The following CIT variants were observed in gnomAD, a reference collection of about 807,000 sequenced individuals.
CIT encodes the protein citron Rho-interacting kinase.
A neutral mutation model predicts 272.7 loss-of-function variants in CIT; 79 were observed. The ratio of observed to expected loss-of-function variants is 0.29; its 90% CI spans 0.24 to 0.35. The LOEUF is 0.35. CIT is among the 10% of genes least tolerant of loss of function. The pLI is 1.00. For missense variants in CIT, 1,909 were observed against 2,618.3 expected, an observed-to-expected ratio of 0.73 and a Z score of 5.91; for synonymous variants, 948 against 995.6, an observed-to-expected ratio of 0.95 and a Z score of 0.90.
Position 119,717,834 on chromosome 12 carries a change from C to CTTTTTTTTTT in CIT, c.4168+410_4168+411insAAAAAAAAAA, listed in dbSNP as rs546520444. Among the ~76,000 whole-genome samples the CTTTTTTTTTT allele has an allele frequency of 2.3e-4, 16 of 70,230 alleles. 1 individual carries two copies. The highest frequency in any genetic ancestry group is 7.0e-4 in the African/African-American group (14 of 20,096). 46.1% of individuals were successfully genotyped at this position (70,230 alleles called of 152,430 possible). A position where few individuals can be genotyped will look rare whatever the true frequency, so the allele number is the denominator to read the frequency against. The stretch of plus-strand genomic sequence containing the variant: ...GGATGGGGAGCCAGGAGACTGACTT[C>CTTTTTTTTTT]TTTCTTTTTTTTTTTTTTTTTTTTG... On this transcript the variant is annotated intron_variant, in intron 32 of 47. Coordinates refer to ENST00000392521, the MANE Select transcript of CIT (RefSeq NM_001206999.2).
Position 119,802,389 on chromosome 12 carries a change from C to T in CIT, c.1295+817G>A, listed in dbSNP as rs114952020. On this transcript the variant is annotated intron_variant, in intron 10 of 47. Transcript: ENST00000392521. The stretch of plus-strand genomic sequence containing the variant: ...AATTCCAGGAGGCTCCTGGAAGCCT[C>T]GACCCTCTAATTCCAAGTGCTCTGT... 1.9e-3 allele frequency among the ~76,000 whole-genome samples: 294 copies of T among 152,298 alleles called. 1 individual carries two copies. Among genetic ancestry groups the T allele is most frequent in the African/African-American group, 6.7e-3 (277 of 41,556 alleles).
intron 13 of CIT, 76 bp from the exon 14 acceptor site, chr12:119,776,918 T>A: frequency 2.1e-6 from 3 of 1,462,252 alleles, no homozygotes; most frequent in Non-Finnish European, 2.8e-6. Flanking sequence ...GATGGAAGAG[T>A]ATTAACCACA....
intron 8 of CIT, among the ~76,000 whole-genome samples, chr12:119,823,866 C>T (rs1258085123): frequency 6.6e-6 from 1 of 151,230 alleles, no homozygotes; most frequent in African/African-American, 2.4e-5. Context: ...ATGGTGAAAC[C>T]CCATCTCTAC....
chr12:119,789,166 G>A (rs1254187352), intron 10 of CIT, among the ~76,000 whole-genome samples: 1 of 152,194 alleles, frequency 6.6e-6, no homozygotes, highest in Admixed American at 6.5e-5. Context: ...GTGGCCCCGG[G>A]AAGCAACATT....
intron 14 of CIT, 38 bp from the exon 15 acceptor site, chr12:119,776,446 A>T (rs770669950): frequency 6.3e-7 from 1 of 1,584,692 alleles, no homozygotes; most frequent in Non-Finnish European, 8.7e-7. Flanking sequence ...GGAAATCTCA[A>T]CAACCTAAAA....
chr12:119,689,824 C>A (rs1377299442), intron 47 of CIT, among the ~76,000 whole-genome samples: 11 of 151,680 alleles, frequency 7.3e-5, no homozygotes, highest in Non-Finnish European at 1.6e-4. Context: ...ACTACAGGCA[C>A]CAGCCACCAC....
At position 119,784,190 on chromosome 12, in the gene CIT, A is replaced by G; in HGVS notation, c.1402-139T>C. ...AAAGTTAAGTTGGGATGGAAATACCATTGTTTCTTCGCCCAGGAGCGCACA... is the reference window on the plus strand; with the variant it reads ...AAAGTTAAGTTGGGATGGAAATACCGTTGTTTCTTCGCCCAGGAGCGCACA... On this transcript the variant is annotated intron_variant, in intron 11 of 47. Transcript: ENST00000392521. This position sits in a 1 kb window ranked among gnomAD's most constrained non-coding sequence, Gnocchi z 4.7. 1 of 1,608,374 alleles carries G rather than the reference A, an allele frequency of 6.2e-7. No homozygotes were observed. The highest frequency in any genetic ancestry group is 8.5e-7 in the Non-Finnish European group (1 of 1,176,750).
intron 4 of CIT, among the ~76,000 whole-genome samples, chr12:119,856,719 G>T (rs973246792): frequency 2.0e-5 from 3 of 151,572 alleles, no homozygotes; most frequent in Admixed American, 2.0e-4. Context: ...TCACATCATC[G>T]TTAATTAATT....
rs1387685714 is a variant in CIT, at chr12:119,687,825, AAG to A, written c.*405_*406del. 3.3e-5 allele frequency: 6 copies of A among 181,654 alleles called. No individual in the cohort carries two copies. Among genetic ancestry groups the A allele is most frequent in the African/African-American group, 4.7e-5 (2 of 42,474 alleles). The allele number at this position is 181,654 out of a possible 1,614,324, so 11.3% of individuals were successfully genotyped here. A position where few individuals can be genotyped will look rare whatever the true frequency, so the allele number is the denominator to read the frequency against. On this transcript the variant is annotated 3_prime_UTR_variant, in exon 48 of 48. Transcript: ENST00000392521. ...AAAAAAAAAAAAAAGGAAAGAAACA[AAG>A]AGAAAAAAAAAAGAAAAACCAACCA...
chr12:119,780,803 C>T (rs927796165), intron 13 of CIT, among the ~76,000 whole-genome samples: 1 of 152,178 alleles, frequency 6.6e-6, no homozygotes, highest in Admixed American at 6.5e-5. Context: ...TAAAATAAAT[C>T]CTTGTTCCGA....
chr12:119,693,153 C>T (rs954464168), intron 46 of CIT, among the ~76,000 whole-genome samples: 2 of 152,208 alleles, frequency 1.3e-5, no homozygotes, highest in African/African-American at 4.8e-5. Context: ...GAGGAAGGAA[C>T]ACACCCGTCA....
intron 5 of CIT, among the ~76,000 whole-genome samples, chr12:119,847,997 A>G (rs781620395): frequency 5.9e-5 from 9 of 152,240 alleles, no homozygotes; most frequent in Non-Finnish European, 1.2e-4. Context: ...TGCATCTGCA[A>G]CAGATGTCCT....
Position 119,697,281 on chromosome 12 carries a change from G to C in CIT, c.5882+378C>G, listed in dbSNP as rs1956277483. 6.6e-6 allele frequency among the ~76,000 whole-genome samples: 1 copy of C among 152,136 alleles called. No homozygotes were observed. The highest frequency in any genetic ancestry group is 1.5e-5 in the Non-Finnish European group (1 of 68,028). The stretch of plus-strand genomic sequence containing the variant: ...CAGCATCTCTCCCACTGGGCTGTGA[G>C]TGCCATCAGGGAGGGGCTACATCTG... On this transcript the variant is annotated intron_variant, in intron 46 of 47. Transcript: ENST00000392521. The surrounding 1 kb of genome is among the most constrained non-coding windows in gnomAD (Gnocchi z 4.9).
intron 22 of CIT, 83 bp from the exon 23 acceptor site, chr12:119,752,330 T>A: frequency 1.5e-6 from 2 of 1,293,892 alleles, no homozygotes; most frequent in Non-Finnish European, 2.1e-6. Context: ...GACCTGCTAC[T>A]CAACCTGCAG....
At chr12:119,760,078 T>G (rs1018729076) in intron 20 of CIT, among the ~76,000 whole-genome samples, 1 of 150,830 alleles carries the variant, frequency 6.6e-6, no homozygotes, top group African/African-American at 2.4e-5. Context: ...TTCCAGCTAC[T>G]CGGGAGGCTG....
intron 9 of CIT, among the ~76,000 whole-genome samples, chr12:119,809,334 G>GACAAATTCT (rs1415766214): frequency 6.6e-6 from 1 of 151,538 alleles, no homozygotes; most frequent in African/African-American, 2.4e-5. Context: ...TAGTCAACAT[G>GACAAATTCT]ACAAATTCTA....
At chr12:119,802,767 G>T (rs1966303428) in intron 10 of CIT, among the ~76,000 whole-genome samples, 1 of 152,196 alleles carries the variant, frequency 6.6e-6, no homozygotes, top group African/African-American at 2.4e-5. Flanking sequence ...ATGAGACAAG[G>T]TTTTTAGGAT....
At position 119,687,954 on chromosome 12, in the gene CIT, G is replaced by T. The variant is rs1955668618; in HGVS notation, c.*278C>A. ...ACTAACTGGTACAGGCTAGAGCTAG[G>T]TACAAAAGTTTGTGAATGCTTTGAA... On this transcript the variant is annotated 3_prime_UTR_variant, in exon 48 of 48. Transcript: ENST00000392521. 3 of 515,286 alleles carry T rather than the reference G, an allele frequency of 5.8e-6. No individual in the cohort carries two copies. The highest frequency in any genetic ancestry group is 1.0e-5 in the Non-Finnish European group (3 of 289,498). The allele number at this position is 515,286 out of a possible 1,614,324, so 31.9% of individuals were successfully genotyped here.
rs568773269 is a variant in CIT at position 119,836,209 on chromosome 12, C to A, written c.517-1981G>T. Among the ~76,000 whole-genome samples the A allele has an allele frequency of 2.0e-5, 3 of 146,588 alleles. No homozygotes were observed. In the South Asian group the frequency reaches 6.5e-4, roughly 32 times the overall value. On this transcript the variant is annotated intron_variant, in intron 5 of 47. Transcript: ENST00000392521. ...GGCTGAGGCAGGAGAATCACTTGAA[C>A]CCGGGAGGCAGAGGTTGCAGTGAGC...
Sources: allele counts gnomAD v4.1 joint callset (sites outside exome capture counted in the v4.1 genomes callset), GRCh38; gene constraint gnomAD v4.1.1; non-coding constraint Gnocchi (gnomAD v3.1); transcripts MANE v1.5; gene names NCBI Gene and HGNC (gene_info 2026-07-23, HGNC 2026-07-21).